Variants in UGT2A1 observed in about 807,000 individuals in gnomAD.
UGT2A1 encodes the protein UDP-glucuronosyltransferase 2A1.
Under a neutral mutation model 45.4 loss-of-function variants are expected in UGT2A1, and 61 were observed. The ratio of observed to expected loss-of-function variants is 1.34; its 90% CI spans 1.09 to 1.66. The LOEUF (loss-of-function observed/expected upper bound fraction) is 1.66. UGT2A1 is among the 40% of genes most tolerant of loss of function. The pLI, the probability that UGT2A1 is intolerant of heterozygous loss-of-function variation, is 0.00. For synonymous variants in UGT2A1, 229 were observed against 196.2 expected, an observed-to-expected ratio of 1.17 and a Z score of -1.40; for missense variants, 649 against 574.3, an observed-to-expected ratio of 1.13 and a Z score of -1.33.
At chr4:69,595,968 G>A (rs1718897639) in intron 4 of UGT2A1, among the ~76,000 whole-genome samples, 1 of 152,140 alleles carries the variant, frequency 6.6e-6, no homozygotes, top group African/African-American at 2.4e-5. Context: ...ATTTCAAATA[G>A]TAAAAGGTCA....
At chr4:69,607,184 G>C (rs112813901) in intron 3 of UGT2A1, among the ~76,000 whole-genome samples, 2,575 of 137,110 alleles carry the variant, frequency 0.019, 17 homozygotes, top group Non-Finnish European at 0.024. Context: ...CAAGGCTACA[G>C]TAACCAAAAC....
intron 3 of UGT2A1, among the ~76,000 whole-genome samples, chr4:69,608,806 C>T (rs1719846234): frequency 1.3e-5 from 2 of 152,100 alleles, no homozygotes; most frequent in Admixed American, 1.3e-4. Context: ...AGCCATTCTC[C>T]CACCTCAGCC....
At chr4:69,594,221 C>G (rs535315496) in intron 6 of UGT2A1, among the ~76,000 whole-genome samples, 52 of 152,024 alleles carry the variant, frequency 3.4e-4, no homozygotes, top group African/African-American at 1.3e-3. Flanking sequence ...TGATCTGCCA[C>G]CCTCAGCCTC....
intron 2 of UGT2A1, among the ~76,000 whole-genome samples, chr4:69,643,238 A>G (rs918385853): frequency 2.6e-5 from 4 of 151,678 alleles, no homozygotes; most frequent in Non-Finnish European, 4.4e-5. Context: ...ATAGAATAGC[A>G]GATTTTAAAA....
chr4:69,621,472 T>C (rs1192510444), intron 3 of UGT2A1, among the ~76,000 whole-genome samples: 3 of 151,880 alleles, frequency 2.0e-5, no homozygotes, highest in African/African-American at 7.2e-5. Context: ...GTCAGTCAGA[T>C]TAGCTTTTAT....
chr4:69,618,460 C>T (rs998234011), intron 3 of UGT2A1, among the ~76,000 whole-genome samples: 11 of 151,842 alleles, frequency 7.2e-5, no homozygotes, highest in African/African-American at 2.7e-4. Flanking sequence ...TAACACATTT[C>T]TAACTTTGTT....
intron 1 of UGT2A1, among the ~76,000 whole-genome samples, chr4:69,650,239 T>C (rs1007251516): frequency 3.3e-5 from 5 of 152,148 alleles, no homozygotes; most frequent in African/African-American, 4.8e-5. Context: ...TGCTTCACTA[T>C]GTGTTTATTG....
At chr4:69,618,214 TGTATG>T (rs754300654) in intron 3 of UGT2A1, among the ~76,000 whole-genome samples, 4 of 109,812 alleles carry the variant, frequency 3.6e-5, no homozygotes, top group Admixed American at 1.1e-4. Flanking sequence ...TGTGTGTGTG[TGTATG>T]TTTGTGTGTG....
At chr4:69,614,888 C>T (rs987515176) in intron 3 of UGT2A1, among the ~76,000 whole-genome samples, 11 of 151,960 alleles carry the variant, frequency 7.2e-5, no homozygotes, top group Non-Finnish European at 1.3e-4. Context: ...GTACAGGAGG[C>T]ATGGTTGGGA....
chr4:69,627,437 T>C lies in UGT2A1; in HGVS notation c.847+8254A>G, dbSNP rs1453472162. Among the ~76,000 whole-genome samples the C allele has an allele frequency of 2.0e-5, 3 of 149,182 alleles. 1 individual carries two copies. Among genetic ancestry groups the C allele is most frequent in the Admixed American group, 2.0e-4 (3 of 14,930 alleles). ...ATAACAAAATTCCAAATAAGAAATA[T>C]TTTTTGTTCCATAGGCAGACAGGCA... On this transcript the variant is annotated intron_variant, in intron 3 of 6. Transcript: ENST00000286604.
intron 4 of UGT2A1, chr4:69,596,323 C>T (rs1298497598): frequency 1.9e-6 from 3 of 1,607,866 alleles, no homozygotes; most frequent in South Asian, 1.1e-5. Context: ...GACCATTGAT[C>T]CCAGAGAAAA....
At chr4:69,602,522 G>T (rs1390840566) in intron 3 of UGT2A1, among the ~76,000 whole-genome samples, 1 of 136,410 alleles carries the variant, frequency 7.3e-6, no homozygotes. Flanking sequence ...ATCATGTTAT[G>T]TAACAAATCC....
At chr4:69,612,579 C>G (rs887240323) in intron 3 of UGT2A1, among the ~76,000 whole-genome samples, 5 of 151,852 alleles carry the variant, frequency 3.3e-5, no homozygotes, top group Non-Finnish European at 1.5e-5. Flanking sequence ...AATAAAGCCA[C>G]ACAAAACCAT....
chr4:69,598,273 T>C (rs903893807), intron 4 of UGT2A1, among the ~76,000 whole-genome samples: 1 of 152,176 alleles, frequency 6.6e-6, no homozygotes, highest in East Asian at 1.9e-4. Flanking sequence ...TATAGGAACC[T>C]GCAACTTTCT....
At chr4:69,614,711 C>T (rs1720270435) in intron 3 of UGT2A1, among the ~76,000 whole-genome samples, 2 of 152,020 alleles carry the variant, frequency 1.3e-5, no homozygotes. Flanking sequence ...CAAATACATA[C>T]ATTGGGAAAG....
chr4:69,594,603 A>C lies in UGT2A1; in HGVS notation c.1178T>G (p.Met393Arg). ...YHGVPMVGVP[M>R]FADQPDNIAH... ...AATGTTATCAGGCTGATCAGCAAAC[A>C]TGGGAACTCCCACCATAGGGACTCC... Residue 393 changes from methionine (M) to arginine (R), a missense_variant, in exon 6 of 7, where the codon ATG (methionine) becomes AGG (arginine). Physicochemically the swap from Met to Arg is moderately conservative, Grantham distance 91. Transcript: ENST00000286604. The C allele has an allele frequency of 1.2e-6, 2 of 1,614,148 alleles. No homozygotes were observed. The highest frequency in any genetic ancestry group is 1.7e-6 in the Non-Finnish European group (2 of 1,180,034).
chr4:69,647,845 T>C (rs1722352772), intron 1 of UGT2A1, 147 bp from the exon 2 acceptor site: 3 of 407,960 alleles, frequency 7.4e-6, no homozygotes, highest in Non-Finnish European at 1.3e-5. Context: ...GTAATGTGTC[T>C]TACTTCTCAA....
chr4:69,595,519 C>T (rs749148253), intron 4 of UGT2A1, among the ~76,000 whole-genome samples: 5 of 151,962 alleles, frequency 3.3e-5, no homozygotes, highest in African/African-American at 7.3e-5. Context: ...AGAAATAGAA[C>T]GTAAACAGTA....
chr4:69,634,390 G>A (rs1300728251), intron 3 of UGT2A1, among the ~76,000 whole-genome samples: 1 of 152,120 alleles, frequency 6.6e-6, no homozygotes, highest in Non-Finnish European at 1.5e-5. Flanking sequence ...CAGGGAAAGG[G>A]TGGGAAGCAG....
Sources: allele counts gnomAD v4.1 joint callset (sites outside exome capture counted in the v4.1 genomes callset), GRCh38; gene constraint gnomAD v4.1.1; transcripts MANE v1.5; gene names NCBI Gene and HGNC (gene_info 2026-07-23, HGNC 2026-07-21).